Variants in LINC00632 observed in about 807,000 individuals in gnomAD.
LINC00632 encodes long independently transcribed non-coding RNA 632.
chrX:140,774,838 G>A (rs992451661), exon 5 of LINC00632, among the ~76,000 whole-genome samples: 1 of 111,095 alleles, frequency 9.0e-6, no homozygotes, highest in African/African-American at 3.3e-5. Flanking sequence ...CCTCCAACAT[G>A]GGTACTCTGA....
exon 5 of LINC00632, among the ~76,000 whole-genome samples, chrX:140,790,755 T>C (rs1236784238): frequency 1.8e-5 from 2 of 111,631 alleles, no homozygotes; most frequent in East Asian, 2.8e-4. Flanking sequence ...TATTTGTTTA[T>C]AGTTTTAATT....
At chrX:140,764,930 C>T (rs937190355) in intron 3 of LINC00632, among the ~76,000 whole-genome samples, 1 of 111,042 alleles carries the variant, frequency 9.0e-6, no homozygotes, top group African/African-American at 3.3e-5. Flanking sequence ...TCAATCACCA[C>T]GGTGGTAAAT....
intron 2 of LINC00632, among the ~76,000 whole-genome samples, chrX:140,726,717 C>A (rs761595000): frequency 2.7e-5 from 3 of 112,086 alleles, no homozygotes; most frequent in Non-Finnish European, 5.6e-5. Context: ...CCAAGATATA[C>A]GGCTTCTTCC....
chrX:140,719,463 T>G (rs1306770248), intron 2 of LINC00632, among the ~76,000 whole-genome samples: 2 of 110,353 alleles, frequency 1.8e-5, no homozygotes, highest in Non-Finnish European at 3.8e-5. Flanking sequence ...CACGCCCAGC[T>G]AATTTTTGTA....
chrX:140,722,538 G>A (rs73590134), intron 2 of LINC00632, among the ~76,000 whole-genome samples: 2,976 of 110,763 alleles, frequency 0.027, 62 homozygotes, highest in African/African-American at 0.07. Flanking sequence ...AGTCTGACAT[G>A]CTGGAGAACA....
rs1294024998 is a variant in LINC00632, at chrX:140,786,818, C to T, written n.14837C>T. Among the ~76,000 whole-genome samples the T allele has an allele frequency of 5.4e-5, 6 of 111,233 alleles. No homozygotes were observed. In the Admixed American group the frequency reaches 5.8e-4, roughly 11 times the overall value. On this transcript the variant is annotated non_coding_transcript_exon_variant, in exon 5 of 5. Coordinates refer to ENST00000648200, the Ensembl canonical transcript of LINC00632. ...AATGATTAAGTAAATGTGCCATGTACCTATGATGGAATATTCTTCCATTAA... is the reference window on the plus strand; with the variant it reads ...AATGATTAAGTAAATGTGCCATGTATCTATGATGGAATATTCTTCCATTAA...
At chrX:140,736,062 A>G (rs943155083) in intron 3 of LINC00632, among the ~76,000 whole-genome samples, 5 of 111,928 alleles carry the variant, frequency 4.5e-5, no homozygotes, top group Admixed American at 9.6e-5. Flanking sequence ...TTTGAGGTGC[A>G]TTATTAAAAC....
chrX:140,762,659 A>C (rs1931621112), intron 3 of LINC00632, among the ~76,000 whole-genome samples: 2 of 112,178 alleles, frequency 1.8e-5, no homozygotes, highest in African/African-American at 6.5e-5. Flanking sequence ...GTTTATGTTG[A>C]AACTATTCAG....
chrX:140,768,147 C>T (rs1340443453), intron 3 of LINC00632, among the ~76,000 whole-genome samples: 3 of 111,271 alleles, frequency 2.7e-5, no homozygotes, highest in Non-Finnish European at 3.8e-5. Flanking sequence ...GGAGCTTGGA[C>T]GCTAGCTGTG....
intron 3 of LINC00632, among the ~76,000 whole-genome samples, chrX:140,754,634 G>A (rs1474405103): frequency 9.0e-6 from 1 of 111,282 alleles, no homozygotes; most frequent in Non-Finnish European, 1.9e-5. Context: ...TTTCAGAGGG[G>A]AAAATGGAGC....
exon 5 of LINC00632, among the ~76,000 whole-genome samples, chrX:140,775,606 A>G (rs1471114259): frequency 8.9e-6 from 1 of 112,008 alleles, no homozygotes; most frequent in Non-Finnish European, 1.9e-5. Context: ...TGGCCTCATC[A>G]TTATATCTGA....
chrX:140,787,912 G>A (rs1028057455), exon 5 of LINC00632, among the ~76,000 whole-genome samples: 1 of 110,035 alleles, frequency 9.1e-6, no homozygotes, highest in African/African-American at 3.3e-5. Context: ...AAAAGAAAAT[G>A]GATAAATCAT....
rs187388092 is a variant in LINC00632, at chrX:140,767,143, T to C, written n.192-4935T>C. ...TTTCAAGTGCATTGTAATGGATGAG[T>C]GTGTCATCTAGAGCAAGATTGCATA... On this transcript the variant is annotated intron_variant and non_coding_transcript_variant, in intron 3 of 4. Transcript: ENST00000648200. Among the ~76,000 whole-genome samples, 361 of 111,555 alleles carry C rather than the reference T, an allele frequency of 3.2e-3. 2 individuals carry two copies. Among genetic ancestry groups the C allele is most frequent in the African/African-American group, 0.01 (309 of 30,744 alleles).
intron 3 of LINC00632, among the ~76,000 whole-genome samples, chrX:140,739,873 T>C (rs886220042): frequency 1.8e-5 from 2 of 111,604 alleles, no homozygotes; most frequent in Admixed American, 1.9e-4. Context: ...AAGTCATTTA[T>C]CAAGAGAAAA....
chrX:140,712,135 G>C (rs1930528406), intron 2 of LINC00632: 1 of 110,083 alleles, frequency 9.1e-6, no homozygotes, highest in African/African-American at 3.3e-5. Flanking sequence ...CTACCTTCCT[G>C]CAGCTTCTGA....
rs1478075155 is a variant in LINC00632, at chrX:140,733,560, C to T, written n.105-318C>T. ...GGGCTTAGCCCAGTGCTTAGAATGT[C>T]ATAGATGTTGCTGCTTATTGCTGTT... is the stretch of plus-strand genomic sequence containing the variant. On this transcript the variant is annotated intron_variant and non_coding_transcript_variant, in intron 2 of 4. Transcript: ENST00000648200. 4.5e-5 allele frequency among the ~76,000 whole-genome samples: 5 copies of T among 111,996 alleles called. No homozygotes were observed. The Admixed American group carries it at 4.8e-4, about 11-fold the overall frequency.
rs138645302 is a variant in LINC00632 at position 140,783,697 on chromosome X, G to A, written n.11716G>A. ...GTCAGTGTCTTCCAGAAAAATCTAC[G>A]TCTTCCACCAAATCCAGGTCTTCCA... On this transcript the variant is annotated non_coding_transcript_exon_variant, in exon 5 of 5. Transcript: ENST00000648200. 2,180 of 1,207,911 alleles carry A rather than the reference G, an allele frequency of 1.8e-3. 9 individuals carry two copies. In the East Asian group the frequency reaches 0.03, roughly 17 times the overall value.
exon 5 of LINC00632, among the ~76,000 whole-genome samples, chrX:140,780,326 G>C (rs1270141295): frequency 8.9e-6 from 1 of 111,748 alleles, no homozygotes; most frequent in Non-Finnish European, 1.9e-5. Context: ...ATGGTTTTAA[G>C]ATGAGAGAAG....
At chrX:140,781,753 A>G (rs1026106153) in exon 5 of LINC00632, among the ~76,000 whole-genome samples, 2 of 111,836 alleles carry the variant, frequency 1.8e-5, no homozygotes, top group Non-Finnish European at 3.8e-5. Flanking sequence ...CCTTGGGCCA[A>G]TGCAGCCCAA....
Sources: gnomAD v4.1 joint callset for allele counts (sites outside exome capture counted in the v4.1 genomes callset) on GRCh38, gnomAD v4.1.1 for gene constraint, MANE v1.5 for transcripts, NCBI Gene and HGNC (gene_info 2026-07-23, HGNC 2026-07-21) for gene names.